The following PPP6C variants were observed in gnomAD, a reference collection of about 807,000 sequenced individuals.
PPP6C encodes serine/threonine-protein phosphatase 6 catalytic subunit.
PPP6C carries 11 observed loss-of-function variants against 39.8 expected under a neutral mutation model. That is an observed-to-expected ratio of 0.28 (90% CI 0.17 to 0.46). The LOEUF is 0.46. Ranked by LOEUF, PPP6C falls within the 20% of genes least tolerant of loss-of-function variation. The pLI, the probability that PPP6C is intolerant of heterozygous loss-of-function variation, is 1.00. For synonymous variants in PPP6C, 129 were observed against 130.3 expected (o/e 0.99, Z 0.07); for missense variants, 211 against 373.9 (o/e 0.56, Z 3.59).
chr9:125,177,852 GTC>G (rs1829336081), intron 1 of PPP6C, among the ~76,000 whole-genome samples: 1 of 152,096 alleles, frequency 6.6e-6, no homozygotes, highest in East Asian at 1.9e-4. Flanking sequence ...TCTTTTTACT[GTC>G]TCTATAGTTT....
At chr9:125,178,691 T>C (rs1158591591) in intron 1 of PPP6C, among the ~76,000 whole-genome samples, 1 of 152,142 alleles carries the variant, frequency 6.6e-6, no homozygotes, top group African/African-American at 2.4e-5. Flanking sequence ...TTTGAATCTT[T>C]GTAATAATGC....
At chr9:125,180,807 C>T (rs779773685) in intron 1 of PPP6C, among the ~76,000 whole-genome samples, 30 of 152,160 alleles carry the variant, frequency 2.0e-4, no homozygotes, top group Non-Finnish European at 4.3e-4. Flanking sequence ...TGAAGTCATC[C>T]CTGGTTATCA....
chr9:125,171,972 C>G (rs1043510872), intron 1 of PPP6C: 1 of 466,900 alleles, frequency 2.1e-6, no homozygotes, highest in South Asian at 1.6e-5. Context: ...TATAAATACT[C>G]GCAGAAGCCT....
At chr9:125,179,655 C>CTT (rs56221170) in intron 1 of PPP6C, among the ~76,000 whole-genome samples, 8 of 132,418 alleles carry the variant, frequency 6.0e-5, no homozygotes, top group South Asian at 2.4e-4. Flanking sequence ...TTCTCTCTCT[C>CTT]TTTTTTTTTT....
At chr9:125,164,121 G>T (rs1309044184) in intron 2 of PPP6C, among the ~76,000 whole-genome samples, 1 of 151,196 alleles carries the variant, frequency 6.6e-6, no homozygotes, top group Non-Finnish European at 1.5e-5. Context: ...ACAGGCATGA[G>T]CCACAGCACA....
Position 125,189,634 on chromosome 9 carries a change from T to C in PPP6C, c.75+10A>G, listed in dbSNP as rs992468060. ...CAGCCGGAAGGGGCGAGCCCGCAAA[T>C]AGGGCTCACCTTCAGGTCGTTCTCT... On this transcript the variant is annotated intron_variant, in intron 1 of 6. Coordinates refer to ENST00000373547, the MANE Select transcript of PPP6C (RefSeq NM_002721.5). 2 of 1,612,634 alleles carry C rather than the reference T, an allele frequency of 1.2e-6. No homozygotes were observed. The highest frequency in any genetic ancestry group is 1.7e-4 in the Middle Eastern group (1 of 6,052).
chr9:125,184,875 C>G (rs1829493551), intron 1 of PPP6C, among the ~76,000 whole-genome samples: 1 of 146,814 alleles, frequency 6.8e-6, no homozygotes, highest in South Asian at 2.2e-4. Flanking sequence ...CCAGCTGAGG[C>G]AGAACTGCTT....
intron 2 of PPP6C, among the ~76,000 whole-genome samples, chr9:125,168,657 C>A (rs1344884442): frequency 1.3e-5 from 2 of 151,850 alleles, no homozygotes; most frequent in Non-Finnish European, 2.9e-5. Flanking sequence ...CGGGGTTTCA[C>A]CATATTTGCC....
chr9:125,150,861 A>G, intron 6 of PPP6C: 1 of 795,730 alleles, frequency 1.3e-6, no homozygotes, highest in Non-Finnish European at 2.3e-6. Context: ...GGTGCCTTTG[A>G]TCATGACTAA....
intron 2 of PPP6C, among the ~76,000 whole-genome samples, chr9:125,163,692 G>A (rs112842269): frequency 0.033 from 5,077 of 151,868 alleles, 246 homozygotes; most frequent in African/African-American, 0.11. Context: ...GCCTCTCAAA[G>A]TGCTGGGATT....
intron 2 of PPP6C, among the ~76,000 whole-genome samples, chr9:125,169,956 C>T (rs1397456860): frequency 6.6e-6 from 1 of 152,142 alleles, no homozygotes; most frequent in Non-Finnish European, 1.5e-5. Flanking sequence ...AGCCCCTAAT[C>T]AGAGTCAATT....
At chr9:125,161,373 A>C (rs888564234) in intron 2 of PPP6C, among the ~76,000 whole-genome samples, 41 of 152,256 alleles carry the variant, frequency 2.7e-4, no homozygotes, top group Non-Finnish European at 1.5e-5. Context: ...AGAGTTATAT[A>C]CCCTCAGGCT....
rs868301139 is a variant in PPP6C at position 125,172,746 on chromosome 9, C to A, written c.76-1566G>T. 1.7e-4 allele frequency among the ~76,000 whole-genome samples: 23 copies of A among 138,418 alleles called. No homozygotes were observed. The East Asian group carries it at 3.4e-3, about 20-fold the overall frequency. The allele number at this position is 138,418 out of a possible 152,430, so 90.8% of individuals were successfully genotyped here. A position where few individuals can be genotyped will look rare whatever the true frequency, so the allele number is the denominator to read the frequency against. On this transcript the variant is annotated intron_variant, in intron 1 of 6. Coordinates refer to ENST00000373547, the MANE Select transcript of PPP6C (RefSeq NM_002721.5). ...ACACACACACACACACACACACACA[C>A]ACACAAACACACACACACACACACA...
At chr9:125,153,107 T>TA (rs1359800455) in intron 6 of PPP6C, among the ~76,000 whole-genome samples, 1 of 151,630 alleles carries the variant, frequency 6.6e-6, no homozygotes, top group Non-Finnish European at 1.5e-5. Context: ...ATCCCATCTC[T>TA]ACTAAGAATA....
In PPP6C at chr9:125,148,918, C is replaced by T. The variant is rs1054713037; in HGVS notation, c.*755G>A. ...AACTCAATAACCAAAGGGTCAAGAA[C>T]TCTGATTAGGAAAAAAGAAAAGATA... On this transcript the variant is annotated 3_prime_UTR_variant, in exon 7 of 7. Transcript: ENST00000373547. The T allele has an allele frequency of 6.6e-6, 1 of 151,974 alleles. No homozygotes were observed. Among genetic ancestry groups the T allele is most frequent in the Non-Finnish European group, 1.5e-5 (1 of 68,006 alleles). The allele number at this position is 151,974 out of a possible 1,614,324, so 9.4% of individuals were successfully genotyped here.
intron 6 of PPP6C, among the ~76,000 whole-genome samples, chr9:125,152,294 C>T (rs1218984910): frequency 6.6e-6 from 1 of 152,016 alleles, no homozygotes; most frequent in Non-Finnish European, 1.5e-5. Flanking sequence ...CCTCTTGGGC[C>T]CAAATGAACA....
At chr9:125,170,383 C>T (rs1829120562) in intron 2 of PPP6C, among the ~76,000 whole-genome samples, 1 of 151,826 alleles carries the variant, frequency 6.6e-6, no homozygotes. Flanking sequence ...ATTACAGGCA[C>T]GCACCACCAT....
intron 2 of PPP6C, among the ~76,000 whole-genome samples, chr9:125,166,706 T>C (rs1829021512): frequency 6.6e-6 from 1 of 151,974 alleles, no homozygotes; most frequent in Non-Finnish European, 1.5e-5. Flanking sequence ...CAATTTTTTA[T>C]ATTTTTTAGT....
intron 1 of PPP6C, among the ~76,000 whole-genome samples, chr9:125,184,995 G>A (rs942242636): frequency 2.5e-4 from 37 of 148,094 alleles, no homozygotes; most frequent in Admixed American, 1.4e-4. Flanking sequence ...AAAACCTCAG[G>A]TAAACATGTC....
Sources: allele counts gnomAD v4.1 joint callset (sites outside exome capture counted in the v4.1 genomes callset), GRCh38; gene constraint gnomAD v4.1.1; transcripts MANE v1.5; gene names NCBI Gene and HGNC (gene_info 2026-07-23, HGNC 2026-07-21).